The following ZFPM2 variants were observed in gnomAD, a reference collection of about 807,000 sequenced individuals.
The protein encoded by ZFPM2 is zinc finger protein ZFPM2.
ZFPM2 carries 20 observed loss-of-function variants against 98.6 expected under a neutral mutation model. The ratio of observed to expected loss-of-function variants is 0.20; its 90% confidence interval spans 0.14 to 0.29. The LOEUF (loss-of-function observed/expected upper bound fraction) is 0.29, where lower values mean the gene tolerates loss of function less well. Ranked by LOEUF, ZFPM2 falls within the 10% of genes least tolerant of loss-of-function variation. The pLI is 1.00. For missense variants in ZFPM2, 1,310 were observed against 1,388.6 expected (o/e 0.94, Z 0.90); for synonymous variants, 518 against 502.7 (o/e 1.03, Z -0.41).
chr8:105,476,578 G>A (rs1429590480), intron 3 of ZFPM2, among the ~76,000 whole-genome samples: 1 of 152,054 alleles, frequency 6.6e-6, no homozygotes, highest in Non-Finnish European at 1.5e-5. Context: ...CATCCTTGAG[G>A]TTAGTGTCAT....
intron 5 of ZFPM2, among the ~76,000 whole-genome samples, chr8:105,747,850 A>G (rs1035201846): frequency 6.6e-6 from 1 of 152,128 alleles, no homozygotes; most frequent in East Asian, 1.9e-4. Context: ...GACATTTTCA[A>G]AGTGGAACCA....
intron 3 of ZFPM2, among the ~76,000 whole-genome samples, chr8:105,459,920 G>A (rs1812672682): frequency 6.6e-6 from 1 of 152,094 alleles, no homozygotes; most frequent in African/African-American, 2.4e-5. Flanking sequence ...AGACAACAAG[G>A]GAAGATTTCT....
chr8:105,478,899 C>A (rs77695582), intron 3 of ZFPM2, among the ~76,000 whole-genome samples: 8,063 of 152,190 alleles, frequency 0.053, 778 homozygotes, highest in African/African-American at 0.18. Context: ...CTACTAAAGT[C>A]TATCCTCAGT....
At chr8:105,769,502 T>G (rs945405294) in intron 5 of ZFPM2, among the ~76,000 whole-genome samples, 1 of 152,024 alleles carries the variant, frequency 6.6e-6, no homozygotes, top group Non-Finnish European at 1.5e-5. Flanking sequence ...GACTTCCCAC[T>G]CTTCTCTGAC....
intron 3 of ZFPM2, among the ~76,000 whole-genome samples, chr8:105,541,410 C>T (rs1433595452): frequency 1.3e-5 from 2 of 152,098 alleles, no homozygotes; most frequent in African/African-American, 4.8e-5. Flanking sequence ...CTTTCAGTTC[C>T]ACCATGCTGT....
chr8:105,320,939 C>T (rs898795446), intron 1 of ZFPM2, among the ~76,000 whole-genome samples: 6 of 152,074 alleles, frequency 3.9e-5, no homozygotes, highest in African/African-American at 7.2e-5. Flanking sequence ...GTGAGCATTG[C>T]CTGCTGATAT....
At chr8:105,798,566 C>G (rs936163353) in intron 6 of ZFPM2, 158 bp from the exon 7 acceptor site, 4 of 610,418 alleles carry the variant, frequency 6.6e-6, no homozygotes, top group Non-Finnish European at 1.1e-5. Context: ...AAAGTCGAGT[C>G]CTATGCTGTA....
At chr8:105,548,078 GA>G in intron 3 of ZFPM2, among the ~76,000 whole-genome samples, 1 of 151,792 alleles carries the variant, frequency 6.6e-6, no homozygotes, top group Non-Finnish European at 1.5e-5. Context: ...TCTGCTTTCA[GA>G]CATCACACCA....
At chr8:105,468,712 C>T (rs991368673) in intron 3 of ZFPM2, among the ~76,000 whole-genome samples, 5 of 152,144 alleles carry the variant, frequency 3.3e-5, no homozygotes, top group Non-Finnish European at 7.4e-5. Context: ...ATTTATTATG[C>T]ATATGCGGCA....
chr8:105,493,846 T>A (rs1306633996), intron 3 of ZFPM2, among the ~76,000 whole-genome samples: 5 of 152,058 alleles, frequency 3.3e-5, no homozygotes, highest in African/African-American at 1.2e-4. Context: ...TCCTCTATAT[T>A]TTCTCCTAAT....
chr8:105,790,021 C>T (rs940033256), intron 6 of ZFPM2, among the ~76,000 whole-genome samples: 2 of 151,652 alleles, frequency 1.3e-5, no homozygotes, highest in Non-Finnish European at 2.9e-5. Context: ...AAAATTTTCT[C>T]CCATTTTGTA....
chr8:105,764,269 T>TTC (rs879289014), intron 5 of ZFPM2, among the ~76,000 whole-genome samples: 7 of 109,264 alleles, frequency 6.4e-5, no homozygotes, highest in South Asian at 3.0e-4. Context: ...CTCTCTCTCT[T>TTC]TCTCTCTCTC....
At chr8:105,678,093 C>A (rs1457244242) in intron 5 of ZFPM2, among the ~76,000 whole-genome samples, 1 of 152,128 alleles carries the variant, frequency 6.6e-6, no homozygotes, top group African/African-American at 2.4e-5. Flanking sequence ...CCTTTTTCCT[C>A]CTCACACACT....
At chr8:105,606,106 A>T (rs566009901) in intron 4 of ZFPM2, among the ~76,000 whole-genome samples, 1 of 152,218 alleles carries the variant, frequency 6.6e-6, no homozygotes, top group Non-Finnish European at 1.5e-5. Flanking sequence ...ATTTTTATTT[A>T]TATTTCAAAT....
intron 5 of ZFPM2, among the ~76,000 whole-genome samples, chr8:105,696,362 C>T (rs965494559): frequency 7.9e-5 from 12 of 152,160 alleles, no homozygotes; most frequent in African/African-American, 1.9e-4. Context: ...TCCCTTTCCT[C>T]TGTCACCTGC....
chr8:105,557,392 A>T (rs913141691), intron 3 of ZFPM2, among the ~76,000 whole-genome samples: 11 of 152,154 alleles, frequency 7.2e-5, no homozygotes, highest in African/African-American at 2.4e-4. Flanking sequence ...CTTTATAGCT[A>T]CTTTAATATC....
chr8:105,658,020 A>AC (rs1817317850), intron 5 of ZFPM2, among the ~76,000 whole-genome samples: 18 of 152,168 alleles, frequency 1.2e-4, no homozygotes, highest in Non-Finnish European at 4.4e-5. Flanking sequence ...ATTGTTGACC[A>AC]GTGCTTCCAT....
chr8:105,380,728 CAT>C (rs1222588484), intron 1 of ZFPM2, among the ~76,000 whole-genome samples: 6 of 30,258 alleles, frequency 2.0e-4, no homozygotes, highest in East Asian at 8.9e-4. Context: ...TTATATATAA[CAT>C]ATATATTATA....
chr8:105,599,685 C>A (rs921323392), intron 4 of ZFPM2, among the ~76,000 whole-genome samples: 1 of 152,080 alleles, frequency 6.6e-6, no homozygotes, highest in Non-Finnish European at 1.5e-5. Flanking sequence ...AGGCTATTAC[C>A]GGTTAGCTCC....
Sources: allele counts gnomAD v4.1 joint callset (sites outside exome capture counted in the v4.1 genomes callset), GRCh38; gene constraint gnomAD v4.1.1; transcripts MANE v1.5; gene names NCBI Gene and HGNC (gene_info 2026-07-23, HGNC 2026-07-21).